The following METTL9 variants were observed in gnomAD, a reference collection of about 807,000 sequenced individuals.
METTL9 encodes the protein protein-L-histidine N-pros-methyltransferase.
In METTL9, 10 loss-of-function variants were observed where a neutral mutation model predicts 36.0. The observed-to-expected ratio is 0.28, with a 90% CI of 0.17 to 0.47. METTL9 has a LOEUF of 0.47. Among genes scored for constraint, METTL9 ranks in the 20% least tolerant of loss-of-function variants. The pLI is 0.99. For missense variants in METTL9, 246 were observed against 383.5 expected (o/e 0.64, Z 3.00); for synonymous variants, 175 against 149.7 (o/e 1.17, Z -1.23).
chr16:21,649,104 C>T (rs1192968797), intron 4 of METTL9, among the ~76,000 whole-genome samples: 1 of 152,100 alleles, frequency 6.6e-6, no homozygotes, highest in African/African-American at 2.4e-5. Flanking sequence ...CATCATCCTG[C>T]CTTAGCTTCT....
chr16:21,611,114 C>A (rs562821776), intron 1 of METTL9, among the ~76,000 whole-genome samples: 3 of 152,222 alleles, frequency 2.0e-5, no homozygotes, highest in African/African-American at 7.2e-5. Flanking sequence ...AAAATAAAAA[C>A]AGTTTTATAT....
intron 4 of METTL9, among the ~76,000 whole-genome samples, chr16:21,629,489 T>C (rs542976892): frequency 6.6e-6 from 1 of 152,198 alleles, no homozygotes; most frequent in Non-Finnish European, 1.5e-5. Flanking sequence ...GTTCTTGGTC[T>C]CTCTGACTTC....
chr16:21,603,335 C>T (rs957602573), intron 1 of METTL9, among the ~76,000 whole-genome samples: 6 of 152,086 alleles, frequency 3.9e-5, no homozygotes, highest in African/African-American at 1.4e-4. Context: ...GACAGGGCTT[C>T]ACCATGTTGG....
Position 21,602,693 on chromosome 16 carries a change from C to T in METTL9, c.165+2795C>T, listed in dbSNP as rs571294830. 8.1e-5 allele frequency among the ~76,000 whole-genome samples: 12 copies of T among 148,864 alleles called. No homozygotes were observed. The South Asian group carries it at 1.1e-3, about 13-fold the overall frequency. ...TTTTTTTTGAGATGGAGTCTCGCTT[C>T]GTCACCCAGGCTGGAGCGCAGTGGC... On this transcript the variant is annotated intron_variant, in intron 1 of 4. Transcript: ENST00000358154.
At chr16:21,630,309 G>A (rs1467023520) in intron 4 of METTL9, among the ~76,000 whole-genome samples, 4 of 152,228 alleles carry the variant, frequency 2.6e-5, no homozygotes, top group African/African-American at 9.6e-5. Flanking sequence ...CGGAACCCAC[G>A]CTGGCTCCCG....
chr16:21,615,468 A>G (rs888695158), intron 2 of METTL9, among the ~76,000 whole-genome samples: 1 of 151,928 alleles, frequency 6.6e-6, no homozygotes, highest in South Asian at 2.1e-4. Flanking sequence ...GTTTCAAGAG[A>G]TCCTCCCACC....
chr16:21,641,724 G>C (rs538012389), intron 4 of METTL9: 6 of 487,252 alleles, frequency 1.2e-5, no homozygotes, highest in Middle Eastern at 2.8e-4. Flanking sequence ...AATCTTAAAG[G>C]CCAGATTACC....
At chr16:21,624,188 G>C (rs1965770048) in intron 3 of METTL9, among the ~76,000 whole-genome samples, 1 of 152,160 alleles carries the variant, frequency 6.6e-6, no homozygotes, top group African/African-American at 2.4e-5. Context: ...ACCACTCCCA[G>C]CCATTTTTAA....
chr16:21,647,777 C>T (rs552662569), intron 4 of METTL9, among the ~76,000 whole-genome samples: 58 of 152,132 alleles, frequency 3.8e-4, no homozygotes, highest in South Asian at 1.0e-3. Flanking sequence ...GAGGTGGCAC[C>T]GTATTGGACT....
intron 4 of METTL9, among the ~76,000 whole-genome samples, chr16:21,634,493 G>T (rs1008644568): frequency 6.6e-6 from 1 of 152,168 alleles, no homozygotes; most frequent in Non-Finnish European, 1.5e-5. Context: ...GCCCTACCGG[G>T]TGATTGACCT....
intron 4 of METTL9, chr16:21,647,009 C>T: frequency 7.9e-7 from 1 of 1,259,406 alleles, no homozygotes; most frequent in Admixed American, 1.7e-5. Context: ...AGATCACACC[C>T]ATCACTGGCT....
In METTL9 at chr16:21,657,206, A is replaced by G. The variant is rs1966729904; in HGVS notation, c.*1774A>G. 6.6e-6 allele frequency: 1 copy of G among 152,188 alleles called. No homozygotes were observed. Among genetic ancestry groups the G allele is most frequent in the Admixed American group, 6.5e-5 (1 of 15,272 alleles). 9.4% of individuals were successfully genotyped at this position (152,188 alleles called of 1,614,324 possible). On this transcript the variant is annotated 3_prime_UTR_variant, in exon 5 of 5. Transcript: ENST00000358154. ...CACCCCCCCAAAACAGAGAAAACAC[A>G]TACATTTATGCATTTTAAAGATAAA...
chr16:21,621,129 C>G (rs566699032), intron 3 of METTL9, among the ~76,000 whole-genome samples: 3 of 151,710 alleles, frequency 2.0e-5, no homozygotes, highest in East Asian at 3.9e-4. Flanking sequence ...GCTACCATAT[C>G]TGGCTAATTT....
Position 21,599,906 on chromosome 16 carries a change from C to T in METTL9, c.165+8C>T, listed in dbSNP as rs1488983533. The T allele has an allele frequency of 7.1e-7, 1 of 1,410,698 alleles. No homozygotes were observed. The highest frequency in any genetic ancestry group is 1.5e-5 in the African/African-American group (1 of 66,844). 87.4% of individuals were successfully genotyped at this position (1,410,698 alleles called of 1,614,324 possible). A position where few individuals can be genotyped will look rare whatever the true frequency, so the allele number is the denominator to read the frequency against. ...AGGAAGGAGAACCACCAGGTACGGG[C>T]TGGGGCCGGGGCCGGGGCGGGGGCG... is the stretch of plus-strand genomic sequence containing the variant. On this transcript the variant is annotated splice_region_variant and intron_variant, in intron 1 of 4. Coordinates refer to ENST00000358154, the MANE Select transcript of METTL9 (RefSeq NM_016025.5). This position sits in a 1 kb window ranked among gnomAD's most constrained non-coding sequence, Gnocchi z 4.4.
chr16:21,635,624 G>A (rs1321119179), intron 4 of METTL9, among the ~76,000 whole-genome samples: 1 of 152,208 alleles, frequency 6.6e-6, no homozygotes, highest in South Asian at 2.1e-4. Flanking sequence ...CCCCATCAGA[G>A]AGAGAATATT....
intron 4 of METTL9, among the ~76,000 whole-genome samples, chr16:21,651,226 C>A (rs971983674): frequency 2.0e-5 from 3 of 151,864 alleles, no homozygotes; most frequent in African/African-American, 7.3e-5. Context: ...CCGTCTCAAA[C>A]AAACAAAAAA....
intron 4 of METTL9, chr16:21,640,954 T>C (rs1418324254): frequency 6.6e-6 from 1 of 152,124 alleles, no homozygotes; most frequent in Non-Finnish European, 1.5e-5. Context: ...TATTTTGGCT[T>C]TTATGGTCTT....
intron 4 of METTL9, among the ~76,000 whole-genome samples, chr16:21,628,541 G>A (rs1056092616): frequency 6.6e-6 from 1 of 151,786 alleles, no homozygotes. Flanking sequence ...TTGCCCAGAC[G>A]GGAGTGCAGT....
At chr16:21,633,978 T>A (rs1358815516) in intron 4 of METTL9, among the ~76,000 whole-genome samples, 2 of 152,130 alleles carry the variant, frequency 1.3e-5, no homozygotes, top group Admixed American at 6.5e-5. Flanking sequence ...GGTAACTTGT[T>A]CCCCATATTC....
Sources: allele counts gnomAD v4.1 joint callset (sites outside exome capture counted in the v4.1 genomes callset), GRCh38; gene constraint gnomAD v4.1.1; non-coding constraint Gnocchi (gnomAD v3.1); transcripts MANE v1.5; gene names NCBI Gene and HGNC (gene_info 2026-07-23, HGNC 2026-07-21).